CCDC144A: variants seen among roughly 807,000 people sequenced by gnomAD.
CCDC144A encodes coiled-coil domain containing 144A.
Under a neutral mutation model 143.8 loss-of-function variants are expected in CCDC144A, and 41 were observed. The ratio of observed to expected loss-of-function variants is 0.29; its 90% CI spans 0.22 to 0.37. CCDC144A has a LOEUF of 0.37. Ranked by LOEUF, CCDC144A falls within the 10% of genes least tolerant of loss-of-function variation. The probability of loss-of-function intolerance (pLI) is 1.00; values close to 1 mark genes in which losing one functional copy is unlikely to be tolerated. For synonymous variants in CCDC144A, 242 were observed against 517.9 expected (o/e 0.47, Z 7.23); for missense variants, 637 against 1,488.8 (o/e 0.43, Z 9.41).
At chr17:16,738,807 A>G (rs1342141116) in intron 12 of CCDC144A, among the ~76,000 whole-genome samples, 1 of 152,180 alleles carries the variant, frequency 6.6e-6, no homozygotes, top group Non-Finnish European at 1.5e-5. Context: ...GGGTATATAC[A>G]TATGAGTTGA....
intron 2 of CCDC144A, among the ~76,000 whole-genome samples, chr17:16,698,820 T>G (rs1452023856): frequency 6.6e-6 from 1 of 152,186 alleles, no homozygotes; most frequent in Admixed American, 6.5e-5. Context: ...AGGCCAGCAG[T>G]TTAGACAAAC....
At chr17:16,680,604 A>AAAGG in the CCDC144A span, among the ~76,000 whole-genome samples, 1 of 149,340 alleles carries the variant, frequency 6.7e-6, no homozygotes, top group East Asian at 2.0e-4. Flanking sequence ...AAATAAAGAA[A>AAAGG]AAGGAAGGAA....
intron 2 of CCDC144A, among the ~76,000 whole-genome samples, chr17:16,700,100 A>T (rs1438196141): frequency 6.6e-6 from 1 of 152,176 alleles, no homozygotes; most frequent in African/African-American, 2.4e-5. Flanking sequence ...GACTCAGCAG[A>T]TAGTCATACT....
chr17:16,742,415 C>T (rs1174274600), intron 12 of CCDC144A, among the ~76,000 whole-genome samples: 4 of 152,072 alleles, frequency 2.6e-5, no homozygotes, highest in Admixed American at 2.0e-4. Context: ...AATAGTATTC[C>T]ACTGTGGACA....
intron 8 of CCDC144A, among the ~76,000 whole-genome samples, chr17:16,724,920 G>C (rs1189469877): frequency 7.3e-6 from 1 of 136,184 alleles, no homozygotes; most frequent in Admixed American, 7.9e-5. Flanking sequence ...CAAAGTGCTA[G>C]GATTACAGGC....
intron 12 of CCDC144A, among the ~76,000 whole-genome samples, chr17:16,739,401 C>T (rs1363120982): frequency 6.8e-6 from 1 of 147,772 alleles, no homozygotes; most frequent in Admixed American, 6.8e-5. Context: ...CCACCATGCC[C>T]AGCCTCCTTT....
intron 4 of CCDC144A, among the ~76,000 whole-genome samples, chr17:16,708,353 AACTTACATGTAGTAATATATAGT>A (rs904857357): frequency 6.6e-6 from 1 of 152,156 alleles, no homozygotes; most frequent in East Asian, 1.9e-4. Flanking sequence ...TAATCTATGG[AACTTACATGTAGTAATATATAGT>A]ACTTACATGT....
the CCDC144A span, among the ~76,000 whole-genome samples, chr17:16,677,000 A>G: frequency 6.6e-6 from 1 of 152,130 alleles, no homozygotes; most frequent in African/African-American, 2.4e-5. Context: ...CAAAATTTCC[A>G]GAACCCAGGA....
At chr17:16,753,627 C>A (rs1235248518) in intron 12 of CCDC144A, among the ~76,000 whole-genome samples, 3 of 151,864 alleles carry the variant, frequency 2.0e-5, no homozygotes, top group Non-Finnish European at 2.9e-5. Context: ...GATTTTGTGG[C>A]CTGCACCTTT....
chr17:16,720,447 G>A (rs201271035), intron 7 of CCDC144A, 70 bp from the exon 8 acceptor site: 42 of 1,514,118 alleles, frequency 2.8e-5, no homozygotes, highest in South Asian at 6.3e-5. Context: ...GAGAAATACC[G>A]CTTCTGTACC....
chr17:16,775,763 T>C lies in CCDC144A; in HGVS notation c.*2130T>C, dbSNP rs983014959. ...GTTGCAATTGCTTTTGGCATCTTCG[T>C]CATGAAATCTTTGCCCTTGCCTGTG... On this transcript the variant is annotated 3_prime_UTR_variant, in exon 17 of 17. Transcript: ENST00000399273. 3.3e-5 allele frequency: 5 copies of C among 152,238 alleles called. No homozygotes were observed. The highest frequency in any genetic ancestry group is 1.2e-4 in the African/African-American group (5 of 41,462). 9.4% of individuals were successfully genotyped at this position (152,238 alleles called of 1,614,324 possible). A position where few individuals can be genotyped will look rare whatever the true frequency, so the allele number is the denominator to read the frequency against.
chr17:16,707,426 C>T lies in CCDC144A; in HGVS notation c.665-43C>T, dbSNP rs757623614. On this transcript the variant is annotated intron_variant, in intron 3 of 16. Transcript: ENST00000399273. ...TTTTTATAAAGACTATGTCTTTTAT[C>T]TAACTGTTCTAAGTAGTTTAACTGA... 7.8e-6 allele frequency: 9 copies of T among 1,159,696 alleles called. No individual in the cohort carries two copies. In the East Asian group the frequency reaches 2.0e-4, roughly 25 times the overall value. The allele number at this position is 1,159,696 out of a possible 1,614,324, so 71.8% of individuals were successfully genotyped here. A position where few individuals can be genotyped will look rare whatever the true frequency, so the allele number is the denominator to read the frequency against.
intron 15 of CCDC144A, among the ~76,000 whole-genome samples, chr17:16,769,335 A>G (rs1915734187): frequency 6.6e-6 from 1 of 152,270 alleles, no homozygotes; most frequent in African/African-American, 2.4e-5. Context: ...TTGAAACCTG[A>G]GGCCAGGAAA....
chr17:16,768,671 C>T (rs1281050532), intron 15 of CCDC144A, among the ~76,000 whole-genome samples: 7 of 152,262 alleles, frequency 4.6e-5, no homozygotes, highest in Admixed American at 1.3e-4. Context: ...TTATTGGCTC[C>T]TTATTTTCCA....
At chr17:16,728,804 A>G (rs1324690261) in intron 9 of CCDC144A, among the ~76,000 whole-genome samples, 10 of 152,126 alleles carry the variant, frequency 6.6e-5, no homozygotes, top group Admixed American at 6.5e-4. Context: ...GTGCACCTAT[A>G]GCTTAACTCC....
At chr17:16,727,247 CA>C in intron 8 of CCDC144A, 1 of 290,242 alleles carries the variant, frequency 3.4e-6, no homozygotes, top group South Asian at 3.3e-5. Context: ...CATTATAGAT[CA>C]AATTCTTCTG....
chr17:16,694,519 C>T (rs1911285686), intron 2 of CCDC144A, among the ~76,000 whole-genome samples: 1 of 151,960 alleles, frequency 6.6e-6, no homozygotes, highest in East Asian at 1.9e-4. Context: ...GGAGTCAAGG[C>T]TGTAGTGAGC....
Position 16,709,594 on chromosome 17 carries a change from T to C in CCDC144A, c.1537T>C (p.Phe513Leu). The change falls in exon 5 of 17, where the codon TTC (phenylalanine) becomes CTC (leucine). Residue 513 changes from phenylalanine (F) to leucine (L), a missense_variant. Transcript: ENST00000399273. Reference protein sequence around the residue: ...KNEVNTLEEEFLALKKEDVQL... With the variant: ...KNEVNTLEEELLALKKEDVQL... ...TGAGGTCAACACATTAGAAGAAGAGTTCCTGGCTTTGAAGAAAGAAGATGT... is the reference window on the plus strand; with the variant it reads ...TGAGGTCAACACATTAGAAGAAGAGCTCCTGGCTTTGAAGAAAGAAGATGT... 1.2e-6 allele frequency: 2 copies of C among 1,611,352 alleles called. No individual in the cohort carries two copies. The highest frequency in any genetic ancestry group is 1.7e-6 in the Non-Finnish European group (2 of 1,179,566).
In CCDC144A at chr17:16,774,156, TTCTTTATTAGA is replaced by T. The variant is rs1380184211; in HGVS notation, c.*525_*535del. 1.3e-5 allele frequency: 2 copies of T among 148,228 alleles called. No homozygotes were observed. The highest frequency in any genetic ancestry group is 3.0e-5 in the Non-Finnish European group (2 of 67,148). 9.2% of individuals were successfully genotyped at this position (148,228 alleles called of 1,614,324 possible). On this transcript the variant is annotated 3_prime_UTR_variant, in exon 17 of 17. Transcript: ENST00000399273. ...TTTGCTTTTTTATTTATTGTTTCAT[TTCTTTATTAGA>T]TTAACTTTTGGGAAACAGTCTTAAA... is the stretch of plus-strand genomic sequence containing the variant.
Sources: gnomAD v4.1 joint callset for allele counts (sites outside exome capture counted in the v4.1 genomes callset) on GRCh38, gnomAD v4.1.1 for gene constraint, MANE v1.5 for transcripts, NCBI Gene and HGNC (gene_info 2026-07-23, HGNC 2026-07-21) for gene names.